The following PDE1C variants were observed in gnomAD, a reference collection of about 807,000 sequenced individuals.
PDE1C encodes dual specificity calcium/calmodulin-dependent 3',5'-cyclic nucleotide phosphodiesterase 1C.
Under a neutral mutation model 93.1 loss-of-function variants are expected in PDE1C, and 62 were observed. That is an observed-to-expected ratio of 0.67 (90% CI 0.54 to 0.82). The LOEUF (loss-of-function observed/expected upper bound fraction) is 0.82, where lower values mean the gene tolerates loss of function less well. Among genes scored for constraint, PDE1C ranks in the 40% least tolerant of loss-of-function variants. PDE1C has a pLI of 0.00. For synonymous variants in PDE1C, 325 were observed against 310.1 expected, an observed-to-expected ratio of 1.05 and a Z score of -0.50; for missense variants, 742 against 884.6, an observed-to-expected ratio of 0.84 and a Z score of 2.04.
chr7:31,920,401 C>A (rs760843616), intron 2 of PDE1C, among the ~76,000 whole-genome samples: 5 of 152,168 alleles, frequency 3.3e-5, no homozygotes, highest in Non-Finnish European at 7.3e-5. Context: ...TCAGAACCAG[C>A]TGCTCCCTGC....
intron 1 of PDE1C, among the ~76,000 whole-genome samples, chr7:32,067,633 GGGATTCA>G (rs1384349121): frequency 6.6e-6 from 1 of 152,096 alleles, no homozygotes; most frequent in Admixed American, 6.5e-5. Flanking sequence ...TCACCACAGT[GGGATTCA>G]GCCCTGGGCC....
intron 2 of PDE1C, among the ~76,000 whole-genome samples, chr7:31,913,439 C>A (rs1801504494): frequency 6.6e-6 from 1 of 151,956 alleles, no homozygotes; most frequent in Admixed American, 6.6e-5. Flanking sequence ...GAATTGTGTC[C>A]TATTTGGGTC....
At chr7:31,911,355 T>A (rs1264834518) in intron 2 of PDE1C, among the ~76,000 whole-genome samples, 1 of 152,144 alleles carries the variant, frequency 6.6e-6, no homozygotes, top group African/African-American at 2.4e-5. Context: ...TGGTGCTACT[T>A]GTGGCCTTTC....
intron 3 of PDE1C, among the ~76,000 whole-genome samples, chr7:32,085,492 A>G (rs80036366): frequency 0.61 from 88,181 of 144,874 alleles, 27,203 homozygotes; most frequent in African/African-American, 0.68. Flanking sequence ...AATCCTCCCT[A>G]ACTCATTTTC....
chr7:31,751,952 C>T lies in PDE1C; in HGVS notation c.*1432G>A, dbSNP rs1794160205. On this transcript the variant is annotated 3_prime_UTR_variant, in exon 18 of 18. Transcript: ENST00000396191. ...TGTAGGGCTGTCCTGGAGAGTTCATCCTGATTATGAAATGCTCTTAGCTAC... is the reference window on the plus strand; with the variant it reads ...TGTAGGGCTGTCCTGGAGAGTTCATTCTGATTATGAAATGCTCTTAGCTAC... 6.6e-6 allele frequency: 1 copy of T among 152,132 alleles called. No homozygotes were observed. Among genetic ancestry groups the T allele is most frequent in the African/African-American group, 2.4e-5 (1 of 41,430 alleles). 9.4% of individuals were successfully genotyped at this position (152,132 alleles called of 1,614,324 possible). A position where few individuals can be genotyped will look rare whatever the true frequency, so the allele number is the denominator to read the frequency against.
At chr7:31,966,004 A>T (rs1273237224) in intron 2 of PDE1C, among the ~76,000 whole-genome samples, 2 of 152,258 alleles carry the variant, frequency 1.3e-5, no homozygotes, top group Non-Finnish European at 2.9e-5. Context: ...CTGCAAAAAC[A>T]TGCCAAATTG....
chr7:31,724,238 G>A, the PDE1C span, among the ~76,000 whole-genome samples: 1 of 152,126 alleles, frequency 6.6e-6, no homozygotes, highest in African/African-American at 2.4e-5. Flanking sequence ...AGGTGCCCAT[G>A]CTTAGGGGCA....
At chr7:31,978,734 C>G (rs1811990542) in intron 2 of PDE1C, among the ~76,000 whole-genome samples, 1 of 152,168 alleles carries the variant, frequency 6.6e-6, no homozygotes, top group African/African-American at 2.4e-5. Context: ...TGGAACTCCA[C>G]TTTTCAACAG....
At chr7:31,824,670 C>T (rs1193591129) in intron 13 of PDE1C, among the ~76,000 whole-genome samples, 197 bp downstream of exon 13, 1 of 152,100 alleles carries the variant, frequency 6.6e-6, no homozygotes, top group Non-Finnish European at 1.5e-5. Context: ...CTTGGTCACC[C>T]TTTACAGTTT....
At chr7:32,208,226 G>A (rs946521066) in intron 2 of PDE1C, among the ~76,000 whole-genome samples, 7 of 111,856 alleles carry the variant, frequency 6.3e-5, no homozygotes, top group Non-Finnish European at 1.3e-4. Context: ...AAAAAGAGCT[G>A]GGAGGCAGAG....
At chr7:31,643,011 C>T in the PDE1C span, 10 of 1,613,988 alleles carry the variant, frequency 6.2e-6, no homozygotes, top group Non-Finnish European at 6.8e-6. Context: ...TGCCAATGCC[C>T]CATGCTGAGT....
At chr7:31,990,523 TC>T (rs1784027855) in intron 2 of PDE1C, among the ~76,000 whole-genome samples, 1 of 152,118 alleles carries the variant, frequency 6.6e-6, no homozygotes, top group Non-Finnish European at 1.5e-5. Flanking sequence ...AGGTTAGACT[TC>T]CCAGAAGAAG....
At position 32,364,926 on chromosome 7, in the gene PDE1C, A is replaced by G. The variant is rs565593902; in HGVS notation, c.310+62896T>C. Reference sequence around the variant, plus strand: ...ATTAATTCCCATTACCCTTGCTTCTAGTCAGAGGAACAGTCCGGCAGAACC... The same window carrying G: ...ATTAATTCCCATTACCCTTGCTTCTGGTCAGAGGAACAGTCCGGCAGAACC... On this transcript the variant is annotated intron_variant, in intron 1 of 1. Transcript: ENST00000672256. Among the ~76,000 whole-genome samples the G allele has an allele frequency of 6.6e-5, 10 of 152,336 alleles. No homozygotes were observed. The East Asian group carries it at 1.7e-3, about 26-fold the overall frequency.
intron 14 of PDE1C, 81 bp downstream of exon 14, chr7:31,822,992 C>G (rs1789166252): frequency 1.7e-6 from 2 of 1,187,706 alleles, no homozygotes; most frequent in African/African-American, 3.1e-5. Context: ...AGCAACTGTG[C>G]TTTATTTGTA....
chr7:32,199,683 A>G (rs1011136003), intron 2 of PDE1C, among the ~76,000 whole-genome samples: 3 of 152,098 alleles, frequency 2.0e-5, no homozygotes, highest in Admixed American at 1.3e-4. Flanking sequence ...TTCCTTTCTT[A>G]GAGTTTCAAC....
At chr7:32,395,297 T>G (rs1784821878) in intron 1 of PDE1C, among the ~76,000 whole-genome samples, 1 of 151,942 alleles carries the variant, frequency 6.6e-6, no homozygotes, top group South Asian at 2.1e-4. Flanking sequence ...GAAGTGTGCT[T>G]TGGGAGGTCA....
chr7:31,824,620 AG>A lies in PDE1C; in HGVS notation c.1406+246del, dbSNP rs531031705. Among the ~76,000 whole-genome samples, 306 of 152,206 alleles carry A rather than the reference AG, an allele frequency of 2.0e-3. 1 individual carries two copies. The highest frequency in any genetic ancestry group is 7.1e-3 in the African/African-American group (295 of 41,540). On this transcript the variant is annotated intron_variant, in intron 13 of 17. Transcript: ENST00000396191. ...GTAAACATGCAGCAAATAGGGTGGC[AG>A]GGGGGCAGCACCAGGTGCCTGCTGG...
At chr7:32,094,485 G>T (rs1354818419) in intron 3 of PDE1C, among the ~76,000 whole-genome samples, 1 of 152,304 alleles carries the variant, frequency 6.6e-6, no homozygotes, top group East Asian at 1.9e-4. Flanking sequence ...TGCTAAACAA[G>T]TTCACATATA....
At chr7:32,144,492 G>T (rs1188520502) in intron 3 of PDE1C, among the ~76,000 whole-genome samples, 1 of 152,160 alleles carries the variant, frequency 6.6e-6, no homozygotes, top group South Asian at 2.1e-4. Context: ...ATTTCTTCTG[G>T]CCAGTCACGG....
Sources: allele counts gnomAD v4.1 joint callset (sites outside exome capture counted in the v4.1 genomes callset), GRCh38; gene constraint gnomAD v4.1.1; transcripts MANE v1.5; gene names NCBI Gene and HGNC (gene_info 2026-07-23, HGNC 2026-07-21).